The following ZNF654 variants were observed in gnomAD, a reference collection of about 807,000 sequenced individuals.
The protein encoded by ZNF654 is zinc finger protein 654.
ZNF654 carries 19 observed loss-of-function variants against 95.3 expected under a neutral mutation model. The observed-to-expected ratio is 0.20, with a 90% confidence interval of 0.14 to 0.29. The LOEUF (loss-of-function observed/expected upper bound fraction) is 0.29. Among genes scored for constraint, ZNF654 ranks in the 10% least tolerant of loss-of-function variants. The pLI is 1.00. For synonymous variants in ZNF654, 413 were observed against 457.9 expected (o/e 0.90, Z 1.25); for missense variants, 1,046 against 1,341.0 (o/e 0.78, Z 3.44).
In ZNF654 at chr3:88,059,707, G is replaced by C. The variant is rs559736156; in HGVS notation, c.186+202G>C. On this transcript the variant is annotated intron_variant, in intron 1 of 8. Transcript: ENST00000636215. ...AGGCGAGGGTGACCCACGGGCTTAG[G>C]GTTGCTGAGAAAGTGAGTTTGTCGG... 3.3e-5 allele frequency among the ~76,000 whole-genome samples: 5 copies of C among 152,112 alleles called. No individual in the cohort carries two copies. The South Asian group carries it at 1.0e-3, about 32-fold the overall frequency.
chr3:88,061,633 T>C (rs1274612018), intron 1 of ZNF654, among the ~76,000 whole-genome samples: 6 of 152,186 alleles, frequency 3.9e-5, no homozygotes, highest in Non-Finnish European at 8.8e-5. Context: ...AATAAAATAT[T>C]CCTTTATTAA....
intron 2 of ZNF654, among the ~76,000 whole-genome samples, chr3:88,096,329 CAA>C (rs1261982803): frequency 2.0e-5 from 3 of 151,996 alleles, no homozygotes; most frequent in Non-Finnish European, 4.4e-5. Context: ...AGCCCACAGA[CAA>C]GAGATGGTTG....
At chr3:88,107,143 G>C (rs1704791803) in intron 2 of ZNF654, among the ~76,000 whole-genome samples, 2 of 152,122 alleles carry the variant, frequency 1.3e-5, no homozygotes, top group Non-Finnish European at 2.9e-5. Context: ...GTGTAAATTA[G>C]TTAAGGGGAA....
intron 2 of ZNF654, among the ~76,000 whole-genome samples, chr3:88,101,790 TG>T (rs938387742): frequency 6.6e-6 from 1 of 152,152 alleles, no homozygotes; most frequent in Non-Finnish European, 1.5e-5. Context: ...CAATTTCTTA[TG>T]GGGGTAGCAG....
chr3:88,130,388 A>T (rs1396332154), intron 6 of ZNF654, among the ~76,000 whole-genome samples: 2 of 152,170 alleles, frequency 1.3e-5, no homozygotes, highest in Non-Finnish European at 2.9e-5. Flanking sequence ...TCTCAATTAA[A>T]TTAATAGCTT....
rs1706963298 is a variant in ZNF654 at position 88,138,956 on chromosome 3, T to G, written c.1287T>G (p.Val429=). 1 of 1,245,566 alleles carries G rather than the reference T, an allele frequency of 8.0e-7. No homozygotes were observed. Among genetic ancestry groups the G allele is most frequent in the Admixed American group, 4.0e-5 (1 of 25,080 alleles). 77.2% of individuals were successfully genotyped at this position (1,245,566 alleles called of 1,614,324 possible). The change falls in exon 8 of 9, where the codon GTT becomes GTG. Residue 429 remains valine, a synonymous_variant. Coordinates refer to ENST00000636215, the MANE Select transcript of ZNF654 (RefSeq NM_001350134.2). ...DEEYNEGTSS[V]QNRVRFELLP... ...AATATAATGAAGGCACAAGTAGTGT[T>G]CAAAATCGTGTTCGTTTTGAATTGC...
chr3:88,078,260 G>T (rs535466754), intron 1 of ZNF654, among the ~76,000 whole-genome samples: 5 of 152,218 alleles, frequency 3.3e-5, no homozygotes, highest in Admixed American at 6.5e-5. Flanking sequence ...ATGAATGAAG[G>T]GGGTAGACCC....
chr3:88,059,491 C>G lies in ZNF654; in HGVS notation c.172C>G (p.Arg58Gly). 2.0e-6 allele frequency: 3 copies of G among 1,497,204 alleles called. No homozygotes were observed. The highest frequency in any genetic ancestry group is 2.7e-6 in the Non-Finnish European group (3 of 1,130,596). The allele number at this position is 1,497,204 out of a possible 1,614,324, so 92.7% of individuals were successfully genotyped here. The change falls in exon 1 of 9, where the codon CGA (arginine) becomes GGA (glycine). Residue 58 changes from arginine to glycine, a missense_variant. Arg to Gly is a moderately radical substitution (Grantham distance 125). Transcript: ENST00000636215. ...GVGISSRDYC[R>G]RFCQVVEDYA... ...CGGAATCAGCAGTCGGGATTACTGC[C>G]GACGCTTCTGTCAGGTGAGGCGTCC...
intron 2 of ZNF654, among the ~76,000 whole-genome samples, chr3:88,102,146 G>T (rs1559711399): frequency 6.6e-6 from 1 of 152,080 alleles, no homozygotes; most frequent in Admixed American, 6.6e-5. Context: ...CTGGTTTAAA[G>T]AAATTTGGTT....
chr3:88,129,852 GA>G, intron 6 of ZNF654, 26 bp downstream of exon 6: 4 of 1,390,770 alleles, frequency 2.9e-6, no homozygotes, highest in South Asian at 1.7e-5. Flanking sequence ...TAAAGAAATT[GA>G]AATGGTAAGA....
At chr3:88,131,316 A>G (rs1206716614) in intron 6 of ZNF654, among the ~76,000 whole-genome samples, 2 of 152,208 alleles carry the variant, frequency 1.3e-5, no homozygotes, top group African/African-American at 2.4e-5. Flanking sequence ...TACACTGCGT[A>G]TAACTGTAGT....
intron 5 of ZNF654, 85 bp from the exon 6 acceptor site, chr3:88,129,602 T>A: frequency 9.2e-7 from 1 of 1,081,810 alleles, no homozygotes; most frequent in Non-Finnish European, 1.2e-6. Flanking sequence ...TCTAAGCAAT[T>A]TCTCTTGAAT....
chr3:88,141,051 A>G lies in ZNF654; in HGVS notation c.3379+3A>G. The G allele has an allele frequency of 6.3e-7, 1 of 1,586,028 alleles. No individual in the cohort carries two copies. The highest frequency in any genetic ancestry group is 1.8e-5 in the Admixed American group (1 of 56,002). ...TGGATTTGATTCAGATGATGAAAGT[A>G]AGTCTTCTGTCTTCTTAGTAGAGGT... On this transcript the variant is annotated splice_donor_region_variant and intron_variant, in intron 8 of 8. Transcript: ENST00000636215.
Position 88,140,121 on chromosome 3 carries a change from T to C in ZNF654, c.2452T>C (p.Leu818=). ...RHSYPNVYFC[L]HFNCNESFKL... ...TAGCTATCCAAATGTGTATTTTTGT[T>C]TGCATTTTAATTGCAACGAGTCGTT... The change falls in exon 8 of 9, where the codon TTG becomes CTG. Residue 818 remains leucine, a synonymous_variant. Transcript: ENST00000636215. 1 of 1,613,902 alleles carries C rather than the reference T, an allele frequency of 6.2e-7. No individual in the cohort carries two copies. Among genetic ancestry groups the C allele is most frequent in the Non-Finnish European group, 8.5e-7 (1 of 1,179,806 alleles).
intron 5 of ZNF654, 62 bp from the exon 6 acceptor site, chr3:88,129,625 A>C: frequency 8.0e-7 from 1 of 1,244,720 alleles, no homozygotes; most frequent in South Asian, 2.2e-5. Context: ...TTAAACATTT[A>C]TTGCAACTAG....
rs1706462288 is a variant in ZNF654, at chr3:88,131,503, A to G, written c.893+1677A>G. ...TGTAATATACTCATAAATAAACTAGAAACAAGTATACACAAACACACACAC... is the reference window on the plus strand; with the variant it reads ...TGTAATATACTCATAAATAAACTAGGAACAAGTATACACAAACACACACAC... On this transcript the variant is annotated intron_variant, in intron 6 of 8. Coordinates refer to ENST00000636215, the MANE Select transcript of ZNF654 (RefSeq NM_001350134.2). 2.0e-5 allele frequency among the ~76,000 whole-genome samples: 3 copies of G among 152,310 alleles called. No individual in the cohort carries two copies. In the South Asian group the frequency reaches 6.2e-4, roughly 32 times the overall value.
intron 2 of ZNF654, among the ~76,000 whole-genome samples, chr3:88,088,285 ATATC>A (rs1363038518): frequency 6.6e-6 from 1 of 152,204 alleles, no homozygotes; most frequent in African/African-American, 2.4e-5. Context: ...ATATTAATGA[ATATC>A]TAAGAATCAT....
chr3:88,139,062 T>C lies in ZNF654; in HGVS notation c.1393T>C (p.Leu465=), dbSNP rs912174851. Reference sequence around the variant, plus strand: ...GATTAAGAAAAACTGTGTAGCATTATTGAGTGATAAATCAGCAGTTAGATT... The same window carrying C: ...GATTAAGAAAAACTGTGTAGCATTACTGAGTGATAAATCAGCAGTTAGATT... ...VMIKKNCVAL[L]SDKSAVRFLN... The change falls in exon 8 of 9, where the codon TTG becomes CTG. Residue 465 remains leucine, a synonymous_variant. Transcript: ENST00000636215. 8.7e-6 allele frequency: 11 copies of C among 1,261,906 alleles called. No homozygotes were observed. The highest frequency in any genetic ancestry group is 1.1e-5 in the Non-Finnish European group (11 of 1,006,440). The allele number at this position is 1,261,906 out of a possible 1,614,324, so 78.2% of individuals were successfully genotyped here. A position where few individuals can be genotyped will look rare whatever the true frequency, so the allele number is the denominator to read the frequency against.
At chr3:88,107,942 T>C (rs1316592874) in intron 2 of ZNF654, among the ~76,000 whole-genome samples, 3 of 152,164 alleles carry the variant, frequency 2.0e-5, no homozygotes, top group Non-Finnish European at 4.4e-5. Flanking sequence ...GCCTTGTTCA[T>C]AGTGCTGTGT....
Sources: gnomAD v4.1 joint callset for allele counts (sites outside exome capture counted in the v4.1 genomes callset) on GRCh38, gnomAD v4.1.1 for gene constraint, MANE v1.5 for transcripts, NCBI Gene and HGNC (gene_info 2026-07-23, HGNC 2026-07-21) for gene names.